Variants in DMD observed in about 807,000 individuals in gnomAD.
DMD encodes the protein mutant dystrophin.
A neutral mutation model predicts 330.1 loss-of-function variants in DMD; 63 were observed. The observed-to-expected ratio is 0.19, with a 90% CI of 0.16 to 0.24. DMD has a LOEUF of 0.24. DMD is among the 10% of genes least tolerant of loss of function. The pLI, the probability that DMD is intolerant of heterozygous loss-of-function variation, is 1.00. For missense variants in DMD, 3,344 were observed against 2,684.1 expected (o/e 1.25, Z -5.43); for synonymous variants, 1,223 against 959.8 (o/e 1.27, Z -5.07).
intron 9 of DMD, among the ~76,000 whole-genome samples, chrX:32,689,753 A>T (rs1286696475): frequency 9.0e-6 from 1 of 111,330 alleles, no homozygotes; most frequent in Non-Finnish European, 1.9e-5. Context: ...CATGAAAATC[A>T]ATTAGTATGA....
At chrX:32,706,474 G>C (rs2064675285) in intron 7 of DMD, among the ~76,000 whole-genome samples, 1 of 110,604 alleles carries the variant, frequency 9.0e-6, no homozygotes, top group African/African-American at 3.3e-5. Context: ...TGAGGTTAGA[G>C]AATCGCTTGA....
At chrX:31,908,994 A>AT (rs2094513587) in intron 47 of DMD, among the ~76,000 whole-genome samples, 1 of 112,060 alleles carries the variant, frequency 8.9e-6, no homozygotes, top group Non-Finnish European at 1.9e-5. Flanking sequence ...CACCTCATAC[A>AT]TTTTTTCCTT....
intron 2 of DMD, among the ~76,000 whole-genome samples, chrX:32,869,357 G>T (rs2082768665): frequency 9.0e-6 from 1 of 111,007 alleles, no homozygotes; most frequent in African/African-American, 3.3e-5. Context: ...GCAAGTGATT[G>T]CAACTCCTCT....
At chrX:31,675,619 C>G (rs1454884330) in intron 53 of DMD, among the ~76,000 whole-genome samples, 1 of 111,393 alleles carries the variant, frequency 9.0e-6, no homozygotes, top group Non-Finnish European at 1.9e-5. Flanking sequence ...CCTCGGCCTC[C>G]CAAAGTGCTG....
intron 43 of DMD, among the ~76,000 whole-genome samples, chrX:32,236,993 G>A (rs184235991): frequency 4.7e-4 from 52 of 110,923 alleles, no homozygotes; most frequent in African/African-American, 1.5e-3. Flanking sequence ...TTTTAGTATT[G>A]CAAATATACT....
intron 18 of DMD, 34 bp from the exon 19 acceptor site, chrX:32,501,876 A>G: frequency 9.7e-7 from 1 of 1,030,428 alleles, no homozygotes. Context: ...GTAATTCAAT[A>G]CAAGGACTGT....
At chrX:31,685,645 C>T (rs1277671680) in intron 52 of DMD, among the ~76,000 whole-genome samples, 1 of 112,283 alleles carries the variant, frequency 8.9e-6, no homozygotes, top group Non-Finnish European at 1.9e-5. Flanking sequence ...ATCTATCTGC[C>T]GTTGGCACTC....
chrX:32,960,916 TAAAAAA>T (rs59425093), intron 2 of DMD, among the ~76,000 whole-genome samples: 40 of 68,660 alleles, frequency 5.8e-4, no homozygotes, highest in African/African-American at 1.9e-3. Flanking sequence ...GCACCATTTG[TAAAAAA>T]AAAAAAAAAA....
chrX:32,606,801 C>T (rs1214852173), intron 12 of DMD, among the ~76,000 whole-genome samples: 2 of 59,843 alleles, frequency 3.3e-5, no homozygotes, highest in Non-Finnish European at 5.1e-5. Flanking sequence ...GAACACTACA[C>T]AGCCTAAGAA....
At chrX:31,571,195 A>G (rs2075792474) in intron 55 of DMD, among the ~76,000 whole-genome samples, 1 of 110,264 alleles carries the variant, frequency 9.1e-6, no homozygotes, top group South Asian at 3.9e-4. Flanking sequence ...TTTTATATGT[A>G]TTCTCTGACA....
intron 2 of DMD, among the ~76,000 whole-genome samples, chrX:32,939,839 A>T (rs186801461): frequency 5.4e-4 from 60 of 111,690 alleles, no homozygotes; most frequent in African/African-American, 1.8e-3. Flanking sequence ...AATGATCTCT[A>T]TGAGAAGACT....
chrX:31,466,413 C>T (rs1302741104), intron 59 of DMD, among the ~76,000 whole-genome samples: 2 of 112,017 alleles, frequency 1.8e-5, no homozygotes, highest in South Asian at 3.7e-4. Context: ...GCACCATTTA[C>T]TGAATAGGGA....
In DMD at chrX:32,484,998, A is replaced by C. The variant is rs372780045; in HGVS notation, c.2724T>G (p.Asp908Glu). The C allele has an allele frequency of 5.0e-6, 6 of 1,209,722 alleles. No homozygotes were observed. Among genetic ancestry groups the C allele is most frequent in the Non-Finnish European group, 6.7e-6 (6 of 894,932 alleles). Reference sequence around the variant, plus strand: ...GATTTGTAAAGGCCACAAAGTCTGCATCCAGGAACATGGGTCCTTGTCCTT... The same window carrying C: ...GATTTGTAAAGGCCACAAAGTCTGCCTCCAGGAACATGGGTCCTTGTCCTT... ...KEKGQGPMFL[D>E]ADFVAFTNHF... Residue 908 changes from aspartate (D) to glutamate (E), a missense_variant, in exon 21 of 79, where the codon GAT becomes GAG. Physicochemically the swap from Asp to Glu is conservative, Grantham distance 45. Coordinates refer to ENST00000357033, the MANE Select transcript of DMD (RefSeq NM_004006.3).
At chrX:31,242,447 T>C (rs747718091) in intron 63 of DMD, among the ~76,000 whole-genome samples, 39 of 109,935 alleles carry the variant, frequency 3.5e-4, no homozygotes, top group Admixed American at 2.1e-3. Flanking sequence ...ACAATGTTTT[T>C]TTCCACTCTC....
intron 9 of DMD, among the ~76,000 whole-genome samples, chrX:32,694,866 G>C (rs1215329266): frequency 9.0e-6 from 1 of 111,119 alleles, no homozygotes; most frequent in African/African-American, 3.3e-5. Flanking sequence ...ATGTTGGTTC[G>C]GTTGGTCTCG....
At chrX:32,364,473 A>G (rs2097847396) in intron 36 of DMD, 109 bp downstream of exon 36, 5 of 905,194 alleles carry the variant, frequency 5.5e-6, no homozygotes, top group Admixed American at 2.3e-5. Flanking sequence ...AGGAAGGAAG[A>G]AAGGATTGTT....
At chrX:33,204,671 G>T (rs1007389591) in intron 1 of DMD, among the ~76,000 whole-genome samples, 21 of 110,789 alleles carry the variant, frequency 1.9e-4, no homozygotes, top group African/African-American at 6.2e-4. Context: ...GAATACTATC[G>T]CCAGAGCATA....
intron 2 of DMD, among the ~76,000 whole-genome samples, chrX:32,918,353 G>A (rs1262485975): frequency 9.0e-6 from 1 of 111,573 alleles, no homozygotes; most frequent in East Asian, 2.8e-4. Flanking sequence ...GTTTCAACAT[G>A]TATTATTTTT....
chrX:33,016,679 T>C, intron 2 of DMD, among the ~76,000 whole-genome samples: 1 of 112,004 alleles, frequency 8.9e-6, no homozygotes, highest in Non-Finnish European at 1.9e-5. Context: ...TAAAGATGAT[T>C]ACTAAATTCA....
Sources: allele counts gnomAD v4.1 joint callset (sites outside exome capture counted in the v4.1 genomes callset), GRCh38; gene constraint gnomAD v4.1.1; transcripts MANE v1.5; gene names NCBI Gene and HGNC (gene_info 2026-07-23, HGNC 2026-07-21).